RAB11FIP4: variants seen among roughly 807,000 people sequenced by gnomAD.
RAB11FIP4 encodes the protein rab11 family-interacting protein 4.
A neutral mutation model predicts 74.3 loss-of-function variants in RAB11FIP4; 23 were observed. The observed-to-expected ratio is 0.31, with a 90% confidence interval of 0.22 to 0.44. The LOEUF is 0.44. RAB11FIP4 is among the 20% of genes least tolerant of loss of function. The probability of loss-of-function intolerance (pLI) is 1.00; values close to 1 mark genes in which losing one functional copy is unlikely to be tolerated. For synonymous variants in RAB11FIP4, 360 were observed against 359.9 expected (o/e 1.00, Z 0.00); for missense variants, 630 against 863.9 (o/e 0.73, Z 3.39).
intron 3 of RAB11FIP4, among the ~76,000 whole-genome samples, chr17:31,444,547 T>C (rs1183627906): frequency 6.6e-6 from 1 of 152,140 alleles, no homozygotes; most frequent in African/African-American, 2.4e-5. Flanking sequence ...GTGTGTCTTC[T>C]ACCTCCTACC....
At chr17:31,528,810 C>G (rs774115250) in intron 13 of RAB11FIP4, 32 bp downstream of exon 13, 31 of 1,587,036 alleles carry the variant, frequency 2.0e-5, no homozygotes, top group Non-Finnish European at 2.7e-5. Context: ...TCCAGTGGGG[C>G]AGGGTGGCCG....
At chr17:31,470,527 G>A (rs2071727286) in intron 3 of RAB11FIP4, among the ~76,000 whole-genome samples, 2 of 152,230 alleles carry the variant, frequency 1.3e-5, no homozygotes, top group Admixed American at 6.5e-5. Context: ...TTATATCTGA[G>A]CATCCCCACA....
chr17:31,398,869 C>T lies in RAB11FIP4; in HGVS notation c.159+6858C>T, dbSNP rs567026668. Among the ~76,000 whole-genome samples the T allele has an allele frequency of 1.1e-4, 16 of 150,946 alleles. No homozygotes were observed. The East Asian group carries it at 1.2e-3, about 11-fold the overall frequency. Reference sequence around the variant, plus strand: ...AGTAGGGAGCCCAGGAACCTGGGAACGGGGGCGATGGCTACAAAGCCACCC... The same window carrying T: ...AGTAGGGAGCCCAGGAACCTGGGAATGGGGGCGATGGCTACAAAGCCACCC... On this transcript the variant is annotated intron_variant, in intron 1 of 14. Transcript: ENST00000621161.
intron 3 of RAB11FIP4, among the ~76,000 whole-genome samples, chr17:31,436,753 G>T (rs74727153): frequency 6.9e-6 from 1 of 145,902 alleles, no homozygotes. Flanking sequence ...TTTGTTTTTT[G>T]TTTTTTTTTT....
At chr17:31,499,858 AG>A (rs964782815) in intron 3 of RAB11FIP4, among the ~76,000 whole-genome samples, 9 of 152,154 alleles carry the variant, frequency 5.9e-5, no homozygotes, top group Admixed American at 3.9e-4. Context: ...GAAAGCTAAG[AG>A]GAAAAGCCTC....
At chr17:31,438,971 A>T (rs2071385424) in intron 3 of RAB11FIP4, among the ~76,000 whole-genome samples, 1 of 152,016 alleles carries the variant, frequency 6.6e-6, no homozygotes, top group African/African-American at 2.4e-5. Context: ...TTACTTAGGT[A>T]CCGCCTCCTC....
At chr17:31,445,532 TTATATATA>T (rs1208804229) in intron 3 of RAB11FIP4, among the ~76,000 whole-genome samples, 1,226 of 36,174 alleles carry the variant, frequency 0.034, 23 homozygotes, top group Admixed American at 0.042. Context: ...TTTCCCAATT[TTATATATA>T]TATATATATA....
At chr17:31,489,372 A>G (rs2071963116) in intron 3 of RAB11FIP4, among the ~76,000 whole-genome samples, 1 of 152,090 alleles carries the variant, frequency 6.6e-6, no homozygotes, top group South Asian at 2.1e-4. Flanking sequence ...AAGGGGTCGG[A>G]GGCAGTACTA....
intron 3 of RAB11FIP4, among the ~76,000 whole-genome samples, chr17:31,459,963 C>G (rs2071619437): frequency 1.3e-5 from 2 of 152,154 alleles, no homozygotes; most frequent in Admixed American, 6.5e-5. Context: ...TTGGTGGTGG[C>G]CACAGTGCTC....
intron 8 of RAB11FIP4, 68 bp from the exon 9 acceptor site, chr17:31,523,825 T>C (rs2072713901): frequency 8.1e-7 from 1 of 1,228,192 alleles, no homozygotes; most frequent in Non-Finnish European, 1.2e-6. Context: ...ATGAACCTCA[T>C]GGCGTCGAGG....
chr17:31,516,632 G>C (rs527383391), intron 3 of RAB11FIP4, among the ~76,000 whole-genome samples: 1 of 152,248 alleles, frequency 6.6e-6, no homozygotes, highest in South Asian at 2.1e-4. Context: ...ACCTCGCCCA[G>C]CTAATTTTTG....
chr17:31,419,528 A>T (rs2071179017), intron 1 of RAB11FIP4, among the ~76,000 whole-genome samples: 1 of 148,820 alleles, frequency 6.7e-6, no homozygotes. Flanking sequence ...TTCATGAGGG[A>T]TATTGGTTTG....
At chr17:31,520,133 C>T (rs908827533) in intron 4 of RAB11FIP4, among the ~76,000 whole-genome samples, 1 of 145,694 alleles carries the variant, frequency 6.9e-6, no homozygotes, top group African/African-American at 2.5e-5. Context: ...TAAAAAATAA[C>T]ACAGTATAAC....
chr17:31,523,311 G>T (rs2072702450), intron 7 of RAB11FIP4: 3 of 615,380 alleles, frequency 4.9e-6, no homozygotes, highest in Admixed American at 2.5e-5. Context: ...GACCCCGGGG[G>T]TCTGTACAGC....
intron 3 of RAB11FIP4, among the ~76,000 whole-genome samples, chr17:31,476,554 GTA>G (rs1411013521): frequency 6.6e-6 from 1 of 152,232 alleles, no homozygotes; most frequent in Non-Finnish European, 1.5e-5. Flanking sequence ...GCTACAGGTA[GTA>G]ATAGCAGAGC....
rs2072986508 is a variant in RAB11FIP4, at chr17:31,537,544, T to C, written c.*5812T>C. On this transcript the variant is annotated 3_prime_UTR_variant, in exon 15 of 15. Transcript: ENST00000621161. ...AAGCATCACTCTTTAACCTGGGGCA[T>C]TGGCCCCAGCAGGGATATCATGGGA... The C allele has an allele frequency of 4.6e-6, 1 of 218,004 alleles. No homozygotes were observed. Among genetic ancestry groups the C allele is most frequent in the East Asian group, 9.0e-5 (1 of 11,060 alleles). The allele number at this position is 218,004 out of a possible 1,614,324, so 13.5% of individuals were successfully genotyped here.
chr17:31,452,329 G>A (rs1222244748), intron 3 of RAB11FIP4, among the ~76,000 whole-genome samples: 3 of 152,086 alleles, frequency 2.0e-5, no homozygotes, highest in African/African-American at 7.2e-5. Context: ...CTTTGTCAGG[G>A]AGGGATGGGC....
intron 1 of RAB11FIP4, among the ~76,000 whole-genome samples, chr17:31,398,648 G>A (rs1597895198): frequency 6.6e-6 from 1 of 152,248 alleles, no homozygotes; most frequent in South Asian, 2.1e-4. Context: ...GAAGTGTGAC[G>A]TTCCCCCTTG....
chr17:31,468,519 G>A (rs2071707061), intron 3 of RAB11FIP4, among the ~76,000 whole-genome samples: 1 of 152,138 alleles, frequency 6.6e-6, no homozygotes. Context: ...CTTACCACAT[G>A]TAGAGCCCTT....
Sources: gnomAD v4.1 joint callset for allele counts (sites outside exome capture counted in the v4.1 genomes callset) on GRCh38, gnomAD v4.1.1 for gene constraint, MANE v1.5 for transcripts, NCBI Gene and HGNC (gene_info 2026-07-23, HGNC 2026-07-21) for gene names.